The following AP2B1 variants were observed in gnomAD, a reference collection of about 807,000 sequenced individuals.
The protein encoded by AP2B1 is adaptor related protein complex 2 subunit beta 1.
A neutral mutation model predicts 102.0 loss-of-function variants in AP2B1; 23 were observed. That is an observed-to-expected ratio of 0.23 (90% confidence interval 0.16 to 0.32). AP2B1 has a LOEUF of 0.32. Among genes scored for constraint, AP2B1 ranks in the 10% least tolerant of loss-of-function variants. The pLI, the probability that AP2B1 is intolerant of heterozygous loss-of-function variation, is 1.00. For synonymous variants in AP2B1, 381 were observed against 421.2 expected (o/e 0.90, Z 1.17); for missense variants, 541 against 1,157.4 (o/e 0.47, Z 7.73).
chr17:35,717,586 C>A (rs1458656291), intron 21 of AP2B1, among the ~76,000 whole-genome samples: 1 of 152,358 alleles, frequency 6.6e-6, no homozygotes, highest in South Asian at 2.1e-4. Flanking sequence ...TCCCTCCCCC[C>A]TGGTGTATAC....
chr17:35,700,884 T>C (rs1459372374), intron 18 of AP2B1, among the ~76,000 whole-genome samples: 1 of 152,222 alleles, frequency 6.6e-6, no homozygotes, highest in African/African-American at 2.4e-5. Flanking sequence ...GTTTTCAAAG[T>C]GCCTTATAAT....
chr17:35,643,216 T>C (rs2074834021), intron 12 of AP2B1, among the ~76,000 whole-genome samples: 1 of 152,130 alleles, frequency 6.6e-6, no homozygotes, highest in African/African-American at 2.4e-5. Context: ...CATAATGTTT[T>C]AAGAAGGTTT....
intron 21 of AP2B1, among the ~76,000 whole-genome samples, chr17:35,721,327 T>C (rs2085385431): frequency 6.6e-6 from 1 of 152,182 alleles, no homozygotes; most frequent in Admixed American, 6.5e-5. Flanking sequence ...ACAGGGTGAC[T>C]CTTCTGCCCT....
chr17:35,650,993 A>T, intron 13 of AP2B1: 1 of 556,582 alleles, frequency 1.8e-6, no homozygotes, highest in Non-Finnish European at 3.2e-6. Flanking sequence ...ACCAGTGACC[A>T]CACATAAAAT....
At chr17:35,595,826 T>C (rs1459072737) in intron 2 of AP2B1, among the ~76,000 whole-genome samples, 1 of 152,242 alleles carries the variant, frequency 6.6e-6, no homozygotes, top group African/African-American at 2.4e-5. Flanking sequence ...GATTTTCTTT[T>C]GGAAATATGT....
At chr17:35,681,112 A>G (rs587751209) in intron 17 of AP2B1, among the ~76,000 whole-genome samples, 9 of 152,190 alleles carry the variant, frequency 5.9e-5, no homozygotes, top group Admixed American at 5.9e-4. Flanking sequence ...CCATTCTTAT[A>G]TTATTAAACA....
chr17:35,633,472 G>A (rs2074521183), intron 9 of AP2B1, among the ~76,000 whole-genome samples: 1 of 151,816 alleles, frequency 6.6e-6, no homozygotes, highest in Non-Finnish European at 1.5e-5. Flanking sequence ...ATTGCTTATA[G>A]TGGTTTAGAT....
At chr17:35,720,162 T>C (rs180792398) in intron 21 of AP2B1, among the ~76,000 whole-genome samples, 2 of 152,282 alleles carry the variant, frequency 1.3e-5, no homozygotes, top group African/African-American at 4.8e-5. Flanking sequence ...AAATTTGTGC[T>C]GTACATGCTT....
chr17:35,611,911 T>TCTTA (rs1199571868), intron 5 of AP2B1, among the ~76,000 whole-genome samples: 2 of 152,184 alleles, frequency 1.3e-5, no homozygotes, highest in African/African-American at 4.8e-5. Context: ...TGTATAGTGT[T>TCTTA]CTTAATTTTT....
At chr17:35,668,087 G>A (rs893916872) in intron 14 of AP2B1, among the ~76,000 whole-genome samples, 18 of 151,978 alleles carry the variant, frequency 1.2e-4, no homozygotes, top group South Asian at 6.2e-4. Context: ...ACAGGTTCCC[G>A]TCACCAGGCC....
At chr17:35,612,336 T>C (rs1337224032) in intron 5 of AP2B1, among the ~76,000 whole-genome samples, 8 of 152,246 alleles carry the variant, frequency 5.3e-5, no homozygotes. Flanking sequence ...ACTCTTGTCC[T>C]GGCCTTGTTA....
rs2085478504 is a variant in AP2B1 at position 35,724,102 on chromosome 17, C to T, written c.*403C>T. ...AGTGTAACTGAAACACTGCACTTTACTGTTTTATACTTTTGTACATATGAG... is the reference window on the plus strand; with the variant it reads ...AGTGTAACTGAAACACTGCACTTTATTGTTTTATACTTTTGTACATATGAG... On this transcript the variant is annotated 3_prime_UTR_variant, in exon 22 of 22. Transcript: ENST00000610402. The T allele has an allele frequency of 5.7e-6, 1 of 176,746 alleles. No individual in the cohort carries two copies. Among genetic ancestry groups the T allele is most frequent in the Admixed American group, 5.5e-5 (1 of 18,180 alleles). 10.9% of individuals were successfully genotyped at this position (176,746 alleles called of 1,614,324 possible).
intron 10 of AP2B1, 110 bp from the exon 11 acceptor site, chr17:35,639,485 T>C: frequency 2.4e-6 from 2 of 838,026 alleles, no homozygotes; most frequent in East Asian, 5.2e-5. Context: ...GCTTTTACAG[T>C]TTGGTGGTTT....
intron 18 of AP2B1, among the ~76,000 whole-genome samples, chr17:35,691,333 G>T (rs2076036971): frequency 6.6e-6 from 1 of 152,184 alleles, no homozygotes; most frequent in African/African-American, 2.4e-5. Flanking sequence ...TGCAGATGGT[G>T]CTTGTCCCTG....
At chr17:35,668,182 C>T (rs1326303772) in intron 14 of AP2B1, among the ~76,000 whole-genome samples, 1 of 152,060 alleles carries the variant, frequency 6.6e-6, no homozygotes, top group Admixed American at 6.6e-5. Context: ...GGTGATCAAC[C>T]GGCCTCGGCT....
At chr17:35,655,472 A>G (rs2075196498) in intron 13 of AP2B1, among the ~76,000 whole-genome samples, 1 of 152,140 alleles carries the variant, frequency 6.6e-6, no homozygotes, top group African/African-American at 2.4e-5. Context: ...GCTCAACATA[A>G]TGTGAGATTA....
At chr17:35,622,227 A>G (rs1428919444) in intron 5 of AP2B1, among the ~76,000 whole-genome samples, 3 of 152,220 alleles carry the variant, frequency 2.0e-5, no homozygotes, top group Admixed American at 6.5e-5. Flanking sequence ...AGTATAAAAT[A>G]GTATATCTGT....
chr17:35,685,843 A>T (rs1316987414), intron 18 of AP2B1, among the ~76,000 whole-genome samples: 2 of 151,938 alleles, frequency 1.3e-5, no homozygotes, highest in African/African-American at 4.8e-5. Context: ...GCTCACTGCA[A>T]CCTCCGCCTC....
chr17:35,671,682 T>C (rs2075590394), intron 15 of AP2B1, 72 bp from the exon 16 acceptor site: 5 of 1,459,146 alleles, frequency 3.4e-6, no homozygotes, highest in Non-Finnish European at 4.8e-6. Context: ...TACTAAGATA[T>C]ATAGCAATAT....
Sources: allele counts gnomAD v4.1 joint callset (sites outside exome capture counted in the v4.1 genomes callset), GRCh38; gene constraint gnomAD v4.1.1; transcripts MANE v1.5; gene names NCBI Gene and HGNC (gene_info 2026-07-23, HGNC 2026-07-21).